RBMS1: variants seen among roughly 807,000 people sequenced by gnomAD.
RBMS1 encodes the protein RNA binding motif single stranded interacting protein 1.
RBMS1 carries 17 observed loss-of-function variants against 62.3 expected under a neutral mutation model. That is an observed-to-expected ratio of 0.27 (90% confidence interval 0.19 to 0.41). The LOEUF is 0.41. Among genes scored for constraint, RBMS1 ranks in the 10% least tolerant of loss-of-function variants. The pLI is 1.00. For missense variants in RBMS1, 334 were observed against 504.5 expected (o/e 0.66, Z 3.24); for synonymous variants, 172 against 170.0 (o/e 1.01, Z -0.09).
At chr2:160,464,721 T>C (rs940792387) in intron 1 of RBMS1, among the ~76,000 whole-genome samples, 1 of 152,242 alleles carries the variant, frequency 6.6e-6, no homozygotes, top group African/African-American at 2.4e-5. Context: ...TTTCTTGAGT[T>C]CATTCAATTG....
At chr2:160,369,334 G>A (rs2105161975) in intron 1 of RBMS1, among the ~76,000 whole-genome samples, 1 of 152,098 alleles carries the variant, frequency 6.6e-6, no homozygotes, top group African/African-American at 2.4e-5. Context: ...GCCACAGGTG[G>A]CACCTCAGAG....
At chr2:160,387,562 A>AGTCTT (rs1463419783) in intron 1 of RBMS1, among the ~76,000 whole-genome samples, 1 of 151,888 alleles carries the variant, frequency 6.6e-6, no homozygotes. Context: ...GCCCTGGAAC[A>AGTCTT]TTTTCTGTCT....
At chr2:160,400,799 A>G (rs917853230) in intron 1 of RBMS1, among the ~76,000 whole-genome samples, 2 of 152,182 alleles carry the variant, frequency 1.3e-5, no homozygotes, top group Non-Finnish European at 2.9e-5. Flanking sequence ...AGTGATTTCT[A>G]AAAAGGTAGG....
chr2:160,277,101 G>T (rs1687876671), intron 12 of RBMS1, among the ~76,000 whole-genome samples: 1 of 152,130 alleles, frequency 6.6e-6, no homozygotes, highest in Admixed American at 6.6e-5. Context: ...GCCCAGGCTG[G>T]TCTCTAACTC....
chr2:160,451,377 C>G (rs1683984711), intron 1 of RBMS1, among the ~76,000 whole-genome samples: 1 of 151,896 alleles, frequency 6.6e-6, no homozygotes, highest in Non-Finnish European at 1.5e-5. Context: ...GTTTTTATCT[C>G]CTTTGATAAA....
chr2:160,309,308 G>A (rs762921761), intron 4 of RBMS1, among the ~76,000 whole-genome samples: 2 of 152,192 alleles, frequency 1.3e-5, no homozygotes, highest in African/African-American at 4.8e-5. Context: ...AGCTCGATCT[G>A]TGTCTCAGGA....
intron 1 of RBMS1, among the ~76,000 whole-genome samples, chr2:160,371,505 A>G (rs748171056): frequency 2.0e-5 from 3 of 152,234 alleles, no homozygotes; most frequent in Non-Finnish European, 4.4e-5. Context: ...AGGTCAGGCA[A>G]ACAAACTACA....
intron 1 of RBMS1, among the ~76,000 whole-genome samples, chr2:160,405,134 C>T (rs1197590901): frequency 6.6e-6 from 1 of 152,192 alleles, no homozygotes; most frequent in Non-Finnish European, 1.5e-5. Flanking sequence ...GAACAGCAAT[C>T]AGCAGGTAGT....
Position 160,382,859 on chromosome 2 carries a change from A to T in RBMS1, c.76-15468T>A, listed in dbSNP as rs571599432. On this transcript the variant is annotated intron_variant, in intron 1 of 13. Coordinates refer to ENST00000348849, the MANE Select transcript of RBMS1 (RefSeq NM_016836.4). ...TAGTTTACTTAATTTTTTTTTTTTT[A>T]AAAAGCTACTCCTTAAAATGCATTT... Among the ~76,000 whole-genome samples the T allele has an allele frequency of 6.4e-3, 956 of 150,134 alleles. 9 individuals are homozygous for T. The highest frequency in any genetic ancestry group is 8.9e-3 in the Non-Finnish European group (605 of 67,774).
chr2:160,273,330 T>C lies in RBMS1; in HGVS notation c.*1442A>G, dbSNP rs1349965029. On this transcript the variant is annotated 3_prime_UTR_variant, in exon 14 of 14. Coordinates refer to ENST00000348849, the MANE Select transcript of RBMS1 (RefSeq NM_016836.4). ...ATCAATTAAAATTATAAAACCTAAATGCAAAGGTACAAAAAAGGCACATTC... is the reference window on the plus strand; with the variant it reads ...ATCAATTAAAATTATAAAACCTAAACGCAAAGGTACAAAAAAGGCACATTC... 1 of 152,106 alleles carries C rather than the reference T, an allele frequency of 6.6e-6. No individual in the cohort carries two copies. Among genetic ancestry groups the C allele is most frequent in the Non-Finnish European group, 1.5e-5 (1 of 68,034 alleles). The allele number at this position is 152,106 out of a possible 1,614,324, so 9.4% of individuals were successfully genotyped here.
At chr2:160,381,330 AT>A (rs1298506899) in intron 1 of RBMS1, among the ~76,000 whole-genome samples, 1 of 152,228 alleles carries the variant, frequency 6.6e-6, no homozygotes, top group Non-Finnish European at 1.5e-5. Context: ...TACTATCAAA[AT>A]AACCTAGGCA....
chr2:160,349,502 C>A (rs1261756407), intron 2 of RBMS1, among the ~76,000 whole-genome samples: 1 of 151,422 alleles, frequency 6.6e-6, no homozygotes, highest in Non-Finnish European at 1.5e-5. Flanking sequence ...CCTTTCCCAG[C>A]ACTGAGTAAT....
intron 1 of RBMS1, among the ~76,000 whole-genome samples, chr2:160,392,838 G>C (rs2105215206): frequency 6.6e-6 from 1 of 152,110 alleles, no homozygotes; most frequent in South Asian, 2.1e-4. Context: ...GCTGCAATAA[G>C]ACATGATTGC....
At chr2:160,430,533 T>TA (rs1682844711) in intron 1 of RBMS1, among the ~76,000 whole-genome samples, 1 of 152,242 alleles carries the variant, frequency 6.6e-6, no homozygotes. Context: ...TTCTACTTTT[T>TA]ATCTTATGTA....
intron 2 of RBMS1, among the ~76,000 whole-genome samples, chr2:160,353,805 C>A (rs1251566393): frequency 1.3e-5 from 2 of 152,042 alleles, no homozygotes; most frequent in Admixed American, 1.3e-4. Flanking sequence ...AAGCTCTCAA[C>A]TGGGATTGAC....
At chr2:160,360,122 G>GC (rs1474025737) in intron 2 of RBMS1, among the ~76,000 whole-genome samples, 1 of 152,084 alleles carries the variant, frequency 6.6e-6, no homozygotes, top group Non-Finnish European at 1.5e-5. Flanking sequence ...AAACTAGCTA[G>GC]TGGTTTCAGA....
intron 4 of RBMS1, among the ~76,000 whole-genome samples, chr2:160,307,357 T>G (rs867894338): frequency 2.6e-4 from 29 of 113,562 alleles, no homozygotes; most frequent in African/African-American, 9.3e-4. Flanking sequence ...ACTGCCTATT[T>G]ATTGAAAAAA....
intron 1 of RBMS1, among the ~76,000 whole-genome samples, chr2:160,405,529 T>A (rs922059130): frequency 3.9e-5 from 6 of 152,210 alleles, no homozygotes; most frequent in Non-Finnish European, 7.4e-5. Context: ...TCCCAGTGAA[T>A]GGCTAAATAC....
chr2:160,379,636 CA>C (rs1694177787), intron 1 of RBMS1, among the ~76,000 whole-genome samples: 1 of 152,180 alleles, frequency 6.6e-6, no homozygotes, highest in South Asian at 2.1e-4. Flanking sequence ...AAATCGGATG[CA>C]ACATTTTTTC....
Sources: allele counts gnomAD v4.1 joint callset (sites outside exome capture counted in the v4.1 genomes callset), GRCh38; gene constraint gnomAD v4.1.1; transcripts MANE v1.5; gene names NCBI Gene and HGNC (gene_info 2026-07-23, HGNC 2026-07-21).